The following HMX1 variants were observed in gnomAD, a reference collection of about 807,000 sequenced individuals.
HMX1 encodes homeobox protein HMX1.
A neutral mutation model predicts 8.9 loss-of-function variants in HMX1; 8 were observed. The ratio of observed to expected loss-of-function variants is 0.90; its 90% CI spans 0.53 to 1.63. HMX1 has a LOEUF of 1.63. Among genes scored for constraint, HMX1 ranks in the 40% most tolerant of loss-of-function variants. The probability of loss-of-function intolerance (pLI) is 0.00; values close to 1 mark genes in which losing one functional copy is unlikely to be tolerated. For synonymous variants in HMX1, 311 were observed against 283.4 expected (o/e 1.10, Z -0.98); for missense variants, 621 against 558.5 (o/e 1.11, Z -1.13).
Position 8,868,277 on chromosome 4 carries a change from G to T in HMX1, c.463C>A (p.Pro155Thr). 6.9e-7 allele frequency: 1 copy of T among 1,439,638 alleles called. No homozygotes were observed. Among genetic ancestry groups the T allele is most frequent in the Non-Finnish European group, 9.1e-7 (1 of 1,102,436 alleles). 89.2% of individuals were successfully genotyped at this position (1,439,638 alleles called of 1,614,324 possible). A position where few individuals can be genotyped will look rare whatever the true frequency, so the allele number is the denominator to read the frequency against. ...GRAEGAWPRG[P>T]GPGAVQREAA... ...TCCCGCTGCACCGCTCCCGGCCCGG[G>T]GCCTCGCGGCCAGGCGCCCTCCGCA... Residue 155 changes from proline (P) to threonine (T), a missense_variant, in exon 2 of 2, where the codon CCC becomes ACC. Transcript: ENST00000400677. The surrounding 1 kb of genome is among the most constrained non-coding windows in gnomAD (Gnocchi z 4.6).
At chr4:8,865,597 G>A (rs1282744034), downstream of HMX1, among the ~76,000 whole-genome samples, 1 of 152,148 alleles carries the variant, frequency 6.6e-6, no homozygotes, top group Non-Finnish European at 1.5e-5. Flanking sequence ...GAAGCCCAGA[G>A]GGCGAGGGTC....
At chr4:8,859,956 G>C (rs909249571) in intron 1 of HMX1, among the ~76,000 whole-genome samples, 8 of 152,264 alleles carry the variant, frequency 5.3e-5, no homozygotes, top group Non-Finnish European at 1.2e-4. Flanking sequence ...ATGTTGTTGG[G>C]AGCAAGGAGG....
At position 8,848,867 on chromosome 4, in the gene HMX1, T is replaced by C. The variant is rs1721351657; in HGVS notation, c.395-2543A>G. 6.6e-6 allele frequency among the ~76,000 whole-genome samples: 1 copy of C among 152,224 alleles called. No homozygotes were observed. The highest frequency in any genetic ancestry group is 2.1e-4 in the South Asian group (1 of 4,834). On this transcript the variant is annotated intron_variant, in intron 1 of 1. Coordinates refer to the HMX1 transcript ENST00000506970. This position sits in a 1 kb window ranked among gnomAD's most constrained non-coding sequence, Gnocchi z 4.1. ...GCCTGGAGTCCCTGACACTTGGCCATCTGTGCACCGTGCTCAAAGCCTCAC... is the reference window on the plus strand; with the variant it reads ...GCCTGGAGTCCCTGACACTTGGCCACCTGTGCACCGTGCTCAAAGCCTCAC...
chr4:8,861,408 C>T (rs917557675), intron 1 of HMX1, among the ~76,000 whole-genome samples: 2 of 152,214 alleles, frequency 1.3e-5, no homozygotes, highest in Non-Finnish European at 2.9e-5. Context: ...TAAACACGCC[C>T]TGTCTCCCCG....
At chr4:8,862,389 A>G (rs1300226053), downstream of HMX1, among the ~76,000 whole-genome samples, 3 of 152,236 alleles carry the variant, frequency 2.0e-5, no homozygotes, top group African/African-American at 4.8e-5. Context: ...ACATTTTATT[A>G]TGGAAGTTTT....
intron 1 of HMX1, among the ~76,000 whole-genome samples, chr4:8,846,862 G>A (rs1339574899): frequency 6.6e-6 from 1 of 152,198 alleles, no homozygotes; most frequent in Admixed American, 6.5e-5. Flanking sequence ...TGGATCCTCT[G>A]AAAATAATTG....
Position 8,871,393 on chromosome 4 carries a change from GC to G in HMX1, c.221del (p.Gly74AlafsTer151). On this transcript the variant is annotated frameshift_variant, in exon 1 of 2. Coordinates refer to ENST00000400677, the MANE Select transcript of HMX1 (RefSeq NM_018942.3). LOFTEE classifies it high-confidence loss of function. This position sits in a 1 kb window ranked among gnomAD's most constrained non-coding sequence, Gnocchi z 4.8. ...RLQRRRQLLA[G>X]TGPGGEARAR... is the part of the protein sequence containing the mutation. ...CCCGCGCCTCCCCGCCGGGCCCGGT[GC>G]CCGCGAGCAACTGTCGCCGCCGCTG... The G allele has an allele frequency of 8.0e-7, 1 of 1,250,836 alleles. No individual in the cohort carries two copies. Among genetic ancestry groups the G allele is most frequent in the South Asian group, 2.3e-5 (1 of 43,732 alleles). The allele number at this position is 1,250,836 out of a possible 1,614,324, so 77.5% of individuals were successfully genotyped here. A position where few individuals can be genotyped will look rare whatever the true frequency, so the allele number is the denominator to read the frequency against.
At position 8,849,570 on chromosome 4, in the gene HMX1, G is replaced by C. The variant is rs1190828578; in HGVS notation, c.395-3246C>G. On this transcript the variant is annotated intron_variant, in intron 1 of 1. Transcript: ENST00000506970. This position sits in a 1 kb window ranked among gnomAD's most constrained non-coding sequence, Gnocchi z 6.6. Reference sequence around the variant, plus strand: ...AACTGCAAGATAAAACATTTCAATTGTCTGAAGCCCATTGCCTGTGGCCCT... The same window carrying C: ...AACTGCAAGATAAAACATTTCAATTCTCTGAAGCCCATTGCCTGTGGCCCT... 6.6e-6 allele frequency among the ~76,000 whole-genome samples: 1 copy of C among 152,172 alleles called. No homozygotes were observed. The highest frequency in any genetic ancestry group is 1.5e-5 in the Non-Finnish European group (1 of 68,048).
At chr4:8,866,458 G>A (rs1394901902), downstream of HMX1, among the ~76,000 whole-genome samples, 1 of 152,240 alleles carries the variant, frequency 6.6e-6, no homozygotes, top group East Asian at 1.9e-4. Context: ...CCAGCTTGGG[G>A]CTGATGGAGG....
chr4:8,865,146 T>G (rs543844514), downstream of HMX1, among the ~76,000 whole-genome samples: 1 of 152,348 alleles, frequency 6.6e-6, no homozygotes, highest in Non-Finnish European at 1.5e-5. Flanking sequence ...CAGTGCTGAC[T>G]GAACCGCCTG....
Position 8,867,497 on chromosome 4 carries a change from G to A in HMX1, c.*196C>T, listed in dbSNP as rs977287271. ...GGATCCAGCCTGGCAAATGGGTGGG[G>A]CGTCCCATTACATTCTAGAGGCGCT... On this transcript the variant is annotated 3_prime_UTR_variant, in exon 2 of 2. Coordinates refer to ENST00000400677, the MANE Select transcript of HMX1 (RefSeq NM_018942.3). 42 of 1,174,394 alleles carry A rather than the reference G, an allele frequency of 3.6e-5. No individual in the cohort carries two copies. The highest frequency in any genetic ancestry group is 4.4e-5 in the Non-Finnish European group (42 of 951,802). The allele number at this position is 1,174,394 out of a possible 1,614,324, so 72.7% of individuals were successfully genotyped here.
At chr4:8,865,903 G>A (rs1392038850), downstream of HMX1, among the ~76,000 whole-genome samples, 1 of 152,218 alleles carries the variant, frequency 6.6e-6, no homozygotes, top group Non-Finnish European at 1.5e-5. Flanking sequence ...AAGGGCTGGA[G>A]GGGGCCCAGG....
At chr4:8,865,671 CG>C (rs1312645027), downstream of HMX1, among the ~76,000 whole-genome samples, 2 of 147,090 alleles carry the variant, frequency 1.4e-5, no homozygotes, top group Non-Finnish European at 3.0e-5. Context: ...TCAGAAGGGG[CG>C]GGGGGTGAGG....
chr4:8,867,733 G>A lies in HMX1; in HGVS notation c.1007C>T (p.Ser336Phe), dbSNP rs1722053579. Residue 336 changes from serine to phenylalanine, a missense_variant, in exon 2 of 2, where the codon TCC becomes TTC. By Grantham distance (155) the Ser-to-Phe change is radical (BLOSUM62 -2). Transcript: ENST00000400677. ...CATCTGCGCCCGCAGAAAGGGCACG[G>A]AGGCGGCGGCCGGGAAGGCGGCCAG... is the stretch of plus-strand genomic sequence containing the variant. The part of the protein sequence containing the change: ...YPLAAFPAAA[S>F]VPFLRAQMPG... 1 of 1,289,986 alleles carries A rather than the reference G, an allele frequency of 7.8e-7. No individual in the cohort carries two copies. Among genetic ancestry groups the A allele is most frequent in the Non-Finnish European group, 9.8e-7 (1 of 1,021,894 alleles). 79.9% of individuals were successfully genotyped at this position (1,289,986 alleles called of 1,614,324 possible).
At position 8,867,220 on chromosome 4, in the gene HMX1, C is replaced by T. The variant is rs1041689204; in HGVS notation, c.*473G>A. 51 of 985,850 alleles carry T rather than the reference C, an allele frequency of 5.2e-5. No individual in the cohort carries two copies. The highest frequency in any genetic ancestry group is 5.9e-5 in the Non-Finnish European group (49 of 830,296). The allele number at this position is 985,850 out of a possible 1,614,324, so 61.1% of individuals were successfully genotyped here. On this transcript the variant is annotated 3_prime_UTR_variant, in exon 2 of 2. Coordinates refer to ENST00000400677, the MANE Select transcript of HMX1 (RefSeq NM_018942.3). ...CCACCAGCACCCGCGAGAGGGGTAG[C>T]ACAGCCCTCCGGGCCGGCCTGCTGT...
In HMX1 at chr4:8,848,058, T is replaced by A. The variant is rs1230298073; in HGVS notation, c.395-1734A>T. ...ACTCGATTCAGTTATTGGACAACACTGAAGTATGTTTGGAACAACTTGGGT... is the reference window on the plus strand; with the variant it reads ...ACTCGATTCAGTTATTGGACAACACAGAAGTATGTTTGGAACAACTTGGGT... On this transcript the variant is annotated intron_variant, in intron 1 of 1. Coordinates refer to the HMX1 transcript ENST00000506970. The surrounding 1 kb of genome is among the most constrained non-coding windows in gnomAD (Gnocchi z 4.1). 6.6e-6 allele frequency among the ~76,000 whole-genome samples: 1 copy of A among 152,242 alleles called. No homozygotes were observed.
downstream of HMX1, among the ~76,000 whole-genome samples, chr4:8,863,701 G>A (rs529931042): frequency 3.3e-5 from 5 of 152,370 alleles, no homozygotes; most frequent in South Asian, 1.0e-3. Flanking sequence ...TTTGGAGGAA[G>A]CAGGGAGGAC....
downstream of HMX1, among the ~76,000 whole-genome samples, chr4:8,865,897 G>A (rs930195040): frequency 1.3e-5 from 2 of 152,234 alleles, no homozygotes; most frequent in African/African-American, 4.8e-5. Context: ...CCTGGGAAGG[G>A]CTGGAGGGGG....
At chr4:8,866,178 G>T (rs1454277791), downstream of HMX1, among the ~76,000 whole-genome samples, 2 of 152,166 alleles carry the variant, frequency 1.3e-5, no homozygotes, top group African/African-American at 4.8e-5. Flanking sequence ...GAGCTGGATG[G>T]TAGAGACACA....
Sources: gnomAD v4.1 joint callset for allele counts (sites outside exome capture counted in the v4.1 genomes callset) on GRCh38, gnomAD v4.1.1 for gene constraint, Gnocchi (gnomAD v3.1) non-coding constraint, MANE v1.5 for transcripts, NCBI Gene and HGNC (gene_info 2026-07-23, HGNC 2026-07-21) for gene names.